Variants in LARP1B observed in about 807,000 individuals in gnomAD.
The protein encoded by LARP1B is La ribonucleoprotein 1B.
A neutral mutation model predicts 114.2 loss-of-function variants in LARP1B; 76 were observed. That is an observed-to-expected ratio of 0.67 (90% confidence interval 0.55 to 0.81). LARP1B has a LOEUF of 0.81. Among genes scored for constraint, LARP1B ranks in the 30% least tolerant of loss-of-function variants. LARP1B has a pLI of 0.00. For synonymous variants in LARP1B, 345 were observed against 348.0 expected, an observed-to-expected ratio of 0.99 and a Z score of 0.10; for missense variants, 1,014 against 1,075.8, an observed-to-expected ratio of 0.94 and a Z score of 0.80.
intron 15 of LARP1B, among the ~76,000 whole-genome samples, chr4:128,192,717 A>G (rs1282853422): frequency 6.6e-6 from 1 of 152,162 alleles, no homozygotes; most frequent in Non-Finnish European, 1.5e-5. Flanking sequence ...AGCTTTATAC[A>G]TTTTAACGTA....
chr4:128,152,711 G>A (rs563234168), intron 11 of LARP1B, among the ~76,000 whole-genome samples: 1 of 150,866 alleles, frequency 6.6e-6, no homozygotes, highest in African/African-American at 2.4e-5. Flanking sequence ...TGATAGTATG[G>A]ACTCCAACAT....
chr4:128,220,595 G>C (rs942683751), intron 7 of LARP1B, among the ~76,000 whole-genome samples: 1 of 152,146 alleles, frequency 6.6e-6, no homozygotes, highest in Non-Finnish European at 1.5e-5. Context: ...ATTTGCATTA[G>C]TTATTTGGTT....
At chr4:128,168,928 G>A (rs1742324783) in intron 12 of LARP1B, among the ~76,000 whole-genome samples, 1 of 152,020 alleles carries the variant, frequency 6.6e-6, no homozygotes. Flanking sequence ...CCCAAGTGAT[G>A]CCATCTGGGC....
At chr4:128,065,793 A>G (rs1475840431) in intron 1 of LARP1B, among the ~76,000 whole-genome samples, 1 of 151,994 alleles carries the variant, frequency 6.6e-6, no homozygotes, top group Non-Finnish European at 1.5e-5. Context: ...ATTTAATATT[A>G]TTTAATTCAT....
At chr4:128,106,721 G>A (rs1475248391) in intron 8 of LARP1B, among the ~76,000 whole-genome samples, 1 of 151,774 alleles carries the variant, frequency 6.6e-6, no homozygotes, top group African/African-American at 2.4e-5. Flanking sequence ...ATGAGGTATT[G>A]TGAGGAATCA....
intron 1 of LARP1B, among the ~76,000 whole-genome samples, chr4:128,066,010 T>A (rs1579655702): frequency 6.6e-6 from 1 of 151,272 alleles, no homozygotes; most frequent in African/African-American, 2.4e-5. Flanking sequence ...TATTTTTAAT[T>A]TTTTTTTGTA....
chr4:128,094,658 C>T (rs1777255967), intron 7 of LARP1B, among the ~76,000 whole-genome samples: 1 of 151,900 alleles, frequency 6.6e-6, no homozygotes, highest in Admixed American at 6.6e-5. Flanking sequence ...CTGGCCAGGA[C>T]AGTTTGTTAT....
At chr4:128,130,714 A>G (rs1408882624) in intron 11 of LARP1B, among the ~76,000 whole-genome samples, 1 of 152,246 alleles carries the variant, frequency 6.6e-6, no homozygotes, top group Non-Finnish European at 1.5e-5. Context: ...TAGCCACACA[A>G]TAACCTGAAC....
At chr4:128,161,112 A>G (rs925373813) in intron 11 of LARP1B, among the ~76,000 whole-genome samples, 30 of 152,160 alleles carry the variant, frequency 2.0e-4, no homozygotes, top group Non-Finnish European at 3.7e-4. Context: ...TATTGGGAAA[A>G]ACTTAGAAGA....
Position 128,210,623 on chromosome 4 carries a change from A to G in LARP1B, c.*570A>G. 3 of 936,798 alleles carry G rather than the reference A, an allele frequency of 3.2e-6. No individual in the cohort carries two copies. The highest frequency in any genetic ancestry group is 1.8e-5 in the African/African-American group (1 of 56,296). The allele number at this position is 936,798 out of a possible 1,614,324, so 58.0% of individuals were successfully genotyped here. On this transcript the variant is annotated 3_prime_UTR_variant, in exon 20 of 20. Transcript: ENST00000326639. ...CTTTGAGACATATAGTTTAAAGAAA[A>G]CTTTTTTTAAAACAAAAGTAGGAAT...
chr4:128,072,717 T>C (rs997919688), intron 1 of LARP1B, among the ~76,000 whole-genome samples: 4 of 152,002 alleles, frequency 2.6e-5, no homozygotes, highest in Non-Finnish European at 5.9e-5. Flanking sequence ...CCACCACACC[T>C]GGTTAATTTT....
rs1030672893 is a variant in LARP1B, at chr4:128,155,725, G to T, written c.1525-6469G>T. 1.9e-5 allele frequency: 30 copies of T among 1,608,204 alleles called. No individual in the cohort carries two copies. The Admixed American group carries it at 4.8e-4, about 26-fold the overall frequency. On this transcript the variant is annotated intron_variant, in intron 11 of 19. Coordinates refer to ENST00000326639, the MANE Select transcript of LARP1B (RefSeq NM_018078.4). The stretch of plus-strand genomic sequence containing the variant: ...AGAGGAGCGCCGCCGAGTAAGGCCC[G>T]AGCGGAACAAGCTGGCTGCGGCCAA...
chr4:128,066,946 C>T (rs922309041), intron 1 of LARP1B, among the ~76,000 whole-genome samples: 3 of 151,466 alleles, frequency 2.0e-5, no homozygotes, highest in Admixed American at 1.3e-4. Flanking sequence ...TACAGGCGCG[C>T]GCAACCATGG....
Position 128,179,493 on chromosome 4 carries a change from C to T in LARP1B, c.1984C>T (p.Pro662Ser). 1 of 1,596,690 alleles carries T rather than the reference C, an allele frequency of 6.3e-7. No homozygotes were observed. Among genetic ancestry groups the T allele is most frequent in the Non-Finnish European group, 8.5e-7 (1 of 1,169,988 alleles). The change falls in exon 15 of 20, where the codon CCA becomes TCA. Residue 662 changes from proline (P) to serine (S), a missense_variant. Transcript: ENST00000326639. The part of the protein sequence containing the change: ...GWVMDSRDRG[P>S]GTSSVSTSNA... ...GGTAATGGATTCCAGAGACCGTGGG[C>T]CAGGAACATCCTCTGTCAGGTACTA...
intron 11 of LARP1B, among the ~76,000 whole-genome samples, chr4:128,142,206 A>G (rs1728365755): frequency 6.6e-6 from 1 of 152,208 alleles, no homozygotes; most frequent in Non-Finnish European, 1.5e-5. Flanking sequence ...CTGGGAGTGC[A>G]GTTCTGGACC....
intron 15 of LARP1B, among the ~76,000 whole-genome samples, chr4:128,189,544 G>T (rs1751551391): frequency 6.6e-6 from 1 of 151,742 alleles, no homozygotes; most frequent in Admixed American, 6.6e-5. Flanking sequence ...GATAGATAAG[G>T]ACTTACTACG....
intron 17 of LARP1B, among the ~76,000 whole-genome samples, chr4:128,201,925 A>G (rs1032929321): frequency 5.3e-5 from 8 of 152,238 alleles, no homozygotes; most frequent in African/African-American, 1.9e-4. Context: ...TAAATATCAA[A>G]TAAGAATATA....
chr4:128,078,549 C>T (rs923411272), intron 4 of LARP1B, among the ~76,000 whole-genome samples: 2 of 150,886 alleles, frequency 1.3e-5, no homozygotes, highest in East Asian at 1.9e-4. Flanking sequence ...TGCAGTGAGC[C>T]GAGGTCGCGC....
At chr4:128,219,628 C>G (rs1365833188) in intron 6 of LARP1B, among the ~76,000 whole-genome samples, 1 of 114,808 alleles carries the variant, frequency 8.7e-6, no homozygotes, top group Non-Finnish European at 1.7e-5. Flanking sequence ...GGGAATATCA[C>G]ACTCTGGGGA....
Sources: allele counts gnomAD v4.1 joint callset (sites outside exome capture counted in the v4.1 genomes callset), GRCh38; gene constraint gnomAD v4.1.1; transcripts MANE v1.5; gene names NCBI Gene and HGNC (gene_info 2026-07-23, HGNC 2026-07-21).